The following SLC44A5 variants were observed in gnomAD, a reference collection of about 807,000 sequenced individuals.
The protein encoded by SLC44A5 is choline transporter-like protein 5.
Under a neutral mutation model 101.8 loss-of-function variants are expected in SLC44A5, and 57 were observed. That is an observed-to-expected ratio of 0.56 (90% CI 0.45 to 0.70). SLC44A5 has a LOEUF of 0.70. SLC44A5 is among the 30% of genes least tolerant of loss of function. SLC44A5 has a pLI of 0.00. For missense variants in SLC44A5, 737 were observed against 853.1 expected, an observed-to-expected ratio of 0.86 and a Z score of 1.70; for synonymous variants, 281 against 290.9, an observed-to-expected ratio of 0.97 and a Z score of 0.35.
intron 5 of SLC44A5, among the ~76,000 whole-genome samples, chr1:75,288,105 C>CA (rs113330504): frequency 0.058 from 8,845 of 151,426 alleles, 299 homozygotes; most frequent in Middle Eastern, 0.13. Context: ...GCAGCAAGCC[C>CA]AAAAAAAACT....
In SLC44A5 at chr1:75,449,674, T is replaced by TC. The variant is rs767994241; in HGVS notation, c.14-53054dup. 5.6e-4 allele frequency among the ~76,000 whole-genome samples: 86 copies of TC among 152,268 alleles called. 1 individual carries two copies. Among genetic ancestry groups the TC allele is most frequent in the Non-Finnish European group, 9.7e-4 (66 of 68,010 alleles). On this transcript the variant is annotated intron_variant, in intron 2 of 23. Transcript: ENST00000370859. ...AAGATCTAAGACGAGTGGTTTTTTT[T>TC]CCCCAAGATAGAGGATAAGAGGCTT...
chr1:75,417,493 G>C (rs904228306), intron 2 of SLC44A5, among the ~76,000 whole-genome samples: 2 of 152,214 alleles, frequency 1.3e-5, no homozygotes, highest in African/African-American at 4.8e-5. Flanking sequence ...AGAAGTTCAT[G>C]ATGATGTTTA....
intron 2 of SLC44A5, among the ~76,000 whole-genome samples, chr1:75,536,040 C>G (rs1570553777): frequency 7.3e-6 from 1 of 137,396 alleles, no homozygotes; most frequent in Admixed American, 7.3e-5. Flanking sequence ...AAGACTTCGT[C>G]TCTTGAAAAA....
the SLC44A5 span, among the ~76,000 whole-genome samples, chr1:75,665,206 A>G: frequency 6.6e-6 from 1 of 152,328 alleles, no homozygotes; most frequent in Admixed American, 6.5e-5. Context: ...TTCAAACTGT[A>G]CTATAAGGCT....
Position 75,355,528 on chromosome 1 carries a change from A to G in SLC44A5, c.53-15898T>C, listed in dbSNP as rs1393771659. On this transcript the variant is annotated intron_variant, in intron 3 of 23. Transcript: ENST00000370859. ...AGAAAGTACTGTGATTATTACTGTT[A>G]CATATTAAGTGACATGTGAAATGTC... 2.0e-5 allele frequency among the ~76,000 whole-genome samples: 3 copies of G among 152,250 alleles called. No individual in the cohort carries two copies. In the East Asian group the frequency reaches 5.8e-4, roughly 29 times the overall value.
At chr1:75,639,736 G>T in the SLC44A5 span, among the ~76,000 whole-genome samples, 1 of 151,962 alleles carries the variant, frequency 6.6e-6, no homozygotes, top group African/African-American at 2.4e-5. Context: ...TGTTTTCTAT[G>T]GTCTCTGACA....
At chr1:75,474,746 T>A (rs2101742960) in intron 2 of SLC44A5, among the ~76,000 whole-genome samples, 1 of 152,362 alleles carries the variant, frequency 6.6e-6, no homozygotes, top group South Asian at 2.1e-4. Context: ...TTCTCTTATT[T>A]CAATACATAT....
intron 4 of SLC44A5, among the ~76,000 whole-genome samples, chr1:75,331,680 G>T (rs1657067336): frequency 6.6e-6 from 1 of 152,088 alleles, no homozygotes; most frequent in Non-Finnish European, 1.5e-5. Flanking sequence ...CTGTAAACAT[G>T]CTTAGCTTGC....
the SLC44A5 span, chr1:75,720,278 G>A: frequency 6.6e-6 from 1 of 152,162 alleles, no homozygotes; most frequent in African/African-American, 2.4e-5. Context: ...AAACGTTAAT[G>A]TGTCAGCCTC....
At chr1:75,517,840 G>A (rs980624790) in intron 2 of SLC44A5, among the ~76,000 whole-genome samples, 2 of 152,154 alleles carry the variant, frequency 1.3e-5, no homozygotes, top group Non-Finnish European at 2.9e-5. Context: ...ATCTCTCCAG[G>A]CTCTTCTGAG....
chr1:75,652,767 C>CTCTCACTT, the SLC44A5 span, among the ~76,000 whole-genome samples: 2 of 152,162 alleles, frequency 1.3e-5, no homozygotes, highest in African/African-American at 4.8e-5. Context: ...ACACTTCAGC[C>CTCTCACTT]TGGGAGACAC....
At chr1:75,571,438 C>G (rs1000258302) in intron 1 of SLC44A5, among the ~76,000 whole-genome samples, 47 of 152,176 alleles carry the variant, frequency 3.1e-4, no homozygotes, top group Admixed American at 1.4e-3. Flanking sequence ...CCCTGACTTT[C>G]AATAGGTCAA....
chr1:75,579,895 A>G (rs1335968918), intron 1 of SLC44A5, among the ~76,000 whole-genome samples: 1 of 152,090 alleles, frequency 6.6e-6, no homozygotes, highest in Non-Finnish European at 1.5e-5. Flanking sequence ...TAAAAAAGTA[A>G]TTCAGGAAGA....
At chr1:75,376,288 C>T (rs537086860) in intron 3 of SLC44A5, among the ~76,000 whole-genome samples, 2,587 of 152,198 alleles carry the variant, frequency 0.017, 83 homozygotes, top group African/African-American at 0.057. Flanking sequence ...CCAGGCTTGC[C>T]TAGGTAAACA....
At chr1:75,346,126 T>A (rs1343517) in intron 3 of SLC44A5, among the ~76,000 whole-genome samples, 8 of 151,858 alleles carry the variant, frequency 5.3e-5, no homozygotes, top group South Asian at 2.1e-4. Context: ...GGACATGGCA[T>A]GATTAATGGA....
chr1:75,305,078 T>G (rs1654799875), intron 4 of SLC44A5, among the ~76,000 whole-genome samples: 2 of 152,240 alleles, frequency 1.3e-5, no homozygotes, highest in African/African-American at 4.8e-5. Context: ...AGAATAAGAA[T>G]AGGATTCCAA....
intron 6 of SLC44A5, 102 bp from the exon 7 acceptor site, chr1:75,251,396 C>T: frequency 1.1e-6 from 1 of 875,582 alleles, no homozygotes; most frequent in Non-Finnish European, 1.8e-6. Context: ...AAATTGGTTT[C>T]ATTATCTACA....
At chr1:75,669,668 G>A in the SLC44A5 span, among the ~76,000 whole-genome samples, 48 of 151,828 alleles carry the variant, frequency 3.2e-4, no homozygotes, top group Middle Eastern at 6.8e-3. Context: ...TCTCCCTTAC[G>A]TTCTTCCCAT....
At chr1:75,473,367 C>T (rs2101738013) in intron 2 of SLC44A5, among the ~76,000 whole-genome samples, 1 of 152,172 alleles carries the variant, frequency 6.6e-6, no homozygotes, top group South Asian at 2.1e-4. Context: ...TGATGATTTT[C>T]CAAAGAGGAA....
Sources: allele counts gnomAD v4.1 joint callset (sites outside exome capture counted in the v4.1 genomes callset), GRCh38; gene constraint gnomAD v4.1.1; transcripts MANE v1.5; gene names NCBI Gene and HGNC (gene_info 2026-07-23, HGNC 2026-07-21).